The following KANK1 variants were observed in gnomAD, a reference collection of about 807,000 sequenced individuals.
The protein encoded by KANK1 is KN motif and ankyrin repeat domain-containing protein 1.
In KANK1, 109 loss-of-function variants were observed where a neutral mutation model predicts 106.2. The ratio of observed to expected loss-of-function variants is 1.03; its 90% CI spans 0.88 to 1.20. The LOEUF (loss-of-function observed/expected upper bound fraction) is 1.20, where lower values mean the gene tolerates loss of function less well. Among genes scored for constraint, KANK1 ranks in the 50% most tolerant of loss-of-function variants. The pLI, the probability that KANK1 is intolerant of heterozygous loss-of-function variation, is 0.00. For missense variants in KANK1, 2,399 were observed against 1,710.7 expected (o/e 1.40, Z -7.10); for synonymous variants, 873 against 652.2 (o/e 1.34, Z -5.16).
At chr9:494,002 C>G (rs1437491645) in intron 3 of KANK1, among the ~76,000 whole-genome samples, 1 of 152,034 alleles carries the variant, frequency 6.6e-6, no homozygotes, top group African/African-American at 2.4e-5. Context: ...CCTGCCTCAG[C>G]CTCCTGAGTA....
chr9:694,816 A>G (rs1820837286), intron 2 of KANK1, among the ~76,000 whole-genome samples: 1 of 152,200 alleles, frequency 6.6e-6, no homozygotes, highest in African/African-American at 2.4e-5. Flanking sequence ...TTGTTAGGTC[A>G]TGCCAGTTAG....
chr9:674,300 A>G (rs1005010267), intron 1 of KANK1: 2 of 151,854 alleles, frequency 1.3e-5, no homozygotes, highest in East Asian at 1.9e-4. Context: ...ATGGTTTAGA[A>G]TCTCCTCTCT....
chr9:736,925 C>G lies in KANK1; in HGVS notation c.3334-1360C>G, dbSNP rs190109200. On this transcript the variant is annotated intron_variant, in intron 7 of 11. Transcript: ENST00000382297. ...CTTTTCTTTCACTGTTCTCAAAATA[C>G]TAGGTTACGTGGCCTTTGGGAAGGA... Among the ~76,000 whole-genome samples, 212 of 152,258 alleles carry G rather than the reference C, an allele frequency of 1.4e-3. 3 individuals carry two copies. Among genetic ancestry groups the G allele is most frequent in the Non-Finnish European group, 5.9e-4 (40 of 68,016 alleles).
At chr9:510,861 C>A (rs556937585) in intron 1 of KANK1, among the ~76,000 whole-genome samples, 1 of 152,114 alleles carries the variant, frequency 6.6e-6, no homozygotes, top group South Asian at 2.1e-4. Context: ...ACTCCTTTCC[C>A]CTCAGGTAAA....
At chr9:706,678 G>C in intron 2 of KANK1, 1 of 630,060 alleles carries the variant, frequency 1.6e-6, no homozygotes. Context: ...CAAAGGCTCA[G>C]TTGAAATTAA....
chr9:635,133 A>C (rs1212169490), intron 1 of KANK1, among the ~76,000 whole-genome samples: 1 of 152,112 alleles, frequency 6.6e-6, no homozygotes. Context: ...TGGAGAGTCA[A>C]CCACCAGGAC....
In KANK1 at chr9:711,485, G is replaced by A. The variant is rs532600638; in HGVS notation, c.719G>A (p.Arg240His). ...ACTTCCTCCATGGGGAGCTCCATCCGCCACAGCCCCCTGAGCTCAGGGATC... is the reference window on the plus strand; with the variant it reads ...ACTTCCTCCATGGGGAGCTCCATCCACCACAGCCCCCTGAGCTCAGGGATC... Reference protein sequence around the residue: ...PTTSSMGSSIRHSPLSSGIST... With the variant: ...PTTSSMGSSIHHSPLSSGIST... Residue 240 changes from arginine to histidine, a missense_variant, in exon 3 of 12, where the codon CGC becomes CAC. Arg to His is a conservative substitution (Grantham distance 29). Coordinates refer to ENST00000382297, the MANE Select transcript of KANK1 (RefSeq NM_015158.5). 7.4e-6 allele frequency: 12 copies of A among 1,614,074 alleles called. No individual in the cohort carries two copies. In the Admixed American group the frequency reaches 1.3e-4, roughly 18 times the overall value.
At chr9:666,844 A>AT (rs1250945355) in intron 1 of KANK1, among the ~76,000 whole-genome samples, 4 of 132,230 alleles carry the variant, frequency 3.0e-5, no homozygotes, top group Non-Finnish European at 4.8e-5. Context: ...GTTTGTTAAT[A>AT]TTTTTTGTTG....
At chr9:587,930 G>C (rs1432139261) in intron 1 of KANK1, among the ~76,000 whole-genome samples, 1 of 152,176 alleles carries the variant, frequency 6.6e-6, no homozygotes, top group African/African-American at 2.4e-5. Flanking sequence ...GCTGGGCGTG[G>C]TGGCACATGC....
At chr9:735,778 G>C (rs1321470896) in intron 7 of KANK1, 2 of 419,160 alleles carry the variant, frequency 4.8e-6, no homozygotes, top group Non-Finnish European at 5.0e-6. Flanking sequence ...TGGATCACAT[G>C]AGGTCTGGAG....
chr9:490,794 T>C lies in KANK1; in HGVS notation c.-362+17521T>C, dbSNP rs375374293. On this transcript the variant is annotated intron_variant, in intron 3 of 15. Coordinates refer to the KANK1 transcript ENST00000382303. ...AGACAGTGTGGTAAGTGCCAGGGAC[T>C]ATGAGTAAACAGAACAAAATTCTTG... is the stretch of plus-strand genomic sequence containing the variant. Among the ~76,000 whole-genome samples the C allele has an allele frequency of 2.0e-5, 3 of 152,270 alleles. No homozygotes were observed. The East Asian group carries it at 5.8e-4, about 29-fold the overall frequency.
chr9:508,119 GC>G (rs1563687664), intron 1 of KANK1, among the ~76,000 whole-genome samples: 3 of 115,406 alleles, frequency 2.6e-5, no homozygotes, highest in Non-Finnish European at 3.5e-5. Context: ...ACCCTGCTCA[GC>G]CTTTTTTTTT....
chr9:670,893 G>C (rs867283284), intron 1 of KANK1, among the ~76,000 whole-genome samples: 2 of 149,752 alleles, frequency 1.3e-5, no homozygotes, highest in African/African-American at 4.9e-5. Flanking sequence ...ATACCAAGCA[G>C]ATTGGGGGAA....
intron 1 of KANK1, among the ~76,000 whole-genome samples, chr9:605,386 T>G (rs1265059061): frequency 6.6e-6 from 1 of 151,582 alleles, no homozygotes. Context: ...AGCCATATGT[T>G]AAGCTCTGAA....
intron 11 of KANK1, 75 bp downstream of exon 11, chr9:744,664 T>A: frequency 6.2e-7 from 1 of 1,612,654 alleles, no homozygotes; most frequent in South Asian, 1.1e-5. Context: ...CTCCAGGAAT[T>A]GACGGGAGAC....
chr9:654,853 G>C (rs72691351), intron 1 of KANK1, among the ~76,000 whole-genome samples: 1 of 151,176 alleles, frequency 6.6e-6, no homozygotes, highest in African/African-American at 2.4e-5. Flanking sequence ...GAGAGATAAA[G>C]GGAGGAAGGA....
Position 738,418 on chromosome 9 carries a change from A to C in KANK1, c.3467A>C (p.Asn1156Thr), listed in dbSNP as rs142088222. 3.1e-6 allele frequency: 5 copies of C among 1,614,092 alleles called. No homozygotes were observed. Among genetic ancestry groups the C allele is most frequent in the Non-Finnish European group, 4.2e-6 (5 of 1,180,000 alleles). ...ISPDVLRYVI[N>T]LADGNGNTAL... ...CCAGATGTCCTCCGCTATGTCATCA[A>C]CTTGGCAGACGGCAACGGCAACACA... Residue 1156 changes from asparagine (N) to threonine (T), a missense_variant, in exon 8 of 12, where the codon AAC becomes ACC. Transcript: ENST00000382297.
chr9:476,304 T>C (rs932062171), intron 3 of KANK1, among the ~76,000 whole-genome samples: 4 of 152,102 alleles, frequency 2.6e-5, no homozygotes, highest in African/African-American at 4.8e-5. Flanking sequence ...GTGGATCACC[T>C]GAGGTCAGCA....
intron 1 of KANK1, among the ~76,000 whole-genome samples, chr9:611,986 G>A (rs997222813): frequency 3.3e-5 from 5 of 152,182 alleles, no homozygotes; most frequent in African/African-American, 1.2e-4. Flanking sequence ...CCAGGGTGCT[G>A]GGATTACAGG....
Sources: allele counts gnomAD v4.1 joint callset (sites outside exome capture counted in the v4.1 genomes callset), GRCh38; gene constraint gnomAD v4.1.1; transcripts MANE v1.5; gene names NCBI Gene and HGNC (gene_info 2026-07-23, HGNC 2026-07-21).